ULK4: variants seen among roughly 807,000 people sequenced by gnomAD.
ULK4 encodes inactive serine/threonine-protein kinase ULK4.
ULK4 carries 133 observed loss-of-function variants against 160.6 expected under a neutral mutation model. That is an observed-to-expected ratio of 0.83 (90% CI 0.72 to 0.96). The LOEUF (loss-of-function observed/expected upper bound fraction) is 0.96, where lower values mean the gene tolerates loss of function less well. Among genes scored for constraint, ULK4 ranks in the 40% least tolerant of loss-of-function variants. The pLI is 0.00. For synonymous variants in ULK4, 534 were observed against 539.8 expected, an observed-to-expected ratio of 0.99 and a Z score of 0.15; for missense variants, 1,580 against 1,499.5, an observed-to-expected ratio of 1.05 and a Z score of -0.89.
intron 21 of ULK4, among the ~76,000 whole-genome samples, chr3:41,759,868 C>G (rs920013472): frequency 6.6e-6 from 1 of 152,070 alleles, no homozygotes; most frequent in Non-Finnish European, 1.5e-5. Context: ...ATCATATGAC[C>G]AAATGATGCT....
intron 35 of ULK4, among the ~76,000 whole-genome samples, chr3:41,276,573 C>A (rs765374471): frequency 6.6e-6 from 1 of 152,208 alleles, no homozygotes. Context: ...TGTCTTCAGT[C>A]TTTTTTAGTA....
At chr3:41,927,115 C>A (rs911658776) in intron 5 of ULK4, among the ~76,000 whole-genome samples, 1 of 152,092 alleles carries the variant, frequency 6.6e-6, no homozygotes, top group Non-Finnish European at 1.5e-5. Context: ...TTGGGTTACC[C>A]GCAAAGGGAA....
intron 29 of ULK4, among the ~76,000 whole-genome samples, chr3:41,675,863 G>A (rs2035695349): frequency 6.6e-6 from 1 of 152,270 alleles, no homozygotes; most frequent in African/African-American, 2.4e-5. Flanking sequence ...TCAGACTTCT[G>A]GCTTCCTGAA....
At chr3:41,869,777 ATTGT>A (rs1559619921) in intron 17 of ULK4, among the ~76,000 whole-genome samples, 3 of 152,168 alleles carry the variant, frequency 2.0e-5, no homozygotes, top group East Asian at 1.9e-4. Context: ...GTTATGAAAA[ATTGT>A]TTATTTTCCA....
At chr3:41,423,580 G>A (rs1006150607) in intron 34 of ULK4, among the ~76,000 whole-genome samples, 1 of 152,072 alleles carries the variant, frequency 6.6e-6, no homozygotes, top group Non-Finnish European at 1.5e-5. Context: ...GTCTTACAGA[G>A]GAGGGGCCAA....
chr3:41,797,367 T>G (rs977768670), intron 20 of ULK4, among the ~76,000 whole-genome samples: 6 of 152,182 alleles, frequency 3.9e-5, no homozygotes, highest in Non-Finnish European at 8.8e-5. Context: ...AATCATCACA[T>G]GACAACCACC....
intron 35 of ULK4, among the ~76,000 whole-genome samples, chr3:41,311,037 G>A (rs1479675785): frequency 1.3e-5 from 2 of 151,580 alleles, no homozygotes; most frequent in Non-Finnish European, 2.9e-5. Flanking sequence ...AGGAAAGAAG[G>A]AAGGAAGGGA....
intron 22 of ULK4, among the ~76,000 whole-genome samples, chr3:41,743,968 T>C (rs1049254405): frequency 6.6e-6 from 1 of 151,818 alleles, no homozygotes; most frequent in African/African-American, 2.4e-5. Flanking sequence ...AAAATAAAAG[T>C]AAACTAGGTG....
At chr3:41,425,527 T>C (rs2082758621) in intron 34 of ULK4, among the ~76,000 whole-genome samples, 1 of 151,754 alleles carries the variant, frequency 6.6e-6, no homozygotes, top group Non-Finnish European at 1.5e-5. Flanking sequence ...AAGAAAAAAA[T>C]GTTAAGGGCA....
chr3:41,783,768 T>C (rs565095437), intron 21 of ULK4, among the ~76,000 whole-genome samples: 5 of 152,314 alleles, frequency 3.3e-5, no homozygotes, highest in African/African-American at 1.2e-4. Context: ...TTTAAGTTTT[T>C]AGGTATTGTA....
At position 41,387,694 on chromosome 3, in the gene ULK4, A is replaced by G. The variant is rs200912042; in HGVS notation, c.3678+10385T>C. On this transcript the variant is annotated intron_variant, in intron 35 of 36. Transcript: ENST00000301831. ...CAGCTTCATCCATGTCCCTACAAAG[A>G]ACATGAACTCATCCTTTTTTATGGC... Among the ~76,000 whole-genome samples, 1,052 of 152,184 alleles carry G rather than the reference A, an allele frequency of 6.9e-3. 4 individuals carry two copies. The highest frequency in any genetic ancestry group is 0.015 in the East Asian group (78 of 5,162).
intron 21 of ULK4, among the ~76,000 whole-genome samples, chr3:41,762,693 C>T (rs1361510702): frequency 1.5e-5 from 2 of 134,134 alleles, no homozygotes; most frequent in Admixed American, 7.9e-5. Context: ...GACAGAGTCT[C>T]GCTCTGTCGC....
chr3:41,831,010 T>A (rs957599226), intron 18 of ULK4, among the ~76,000 whole-genome samples: 5 of 84,692 alleles, frequency 5.9e-5, no homozygotes, highest in African/African-American at 7.2e-5. Context: ...TTTTATTATT[T>A]TTTTTATTTA....
chr3:41,735,672 C>G (rs567240749), intron 22 of ULK4, among the ~76,000 whole-genome samples: 6 of 140,206 alleles, frequency 4.3e-5, no homozygotes, highest in African/African-American at 1.3e-4. Flanking sequence ...TTGCTTCACT[C>G]CACTCTAAGT....
intron 32 of ULK4, among the ~76,000 whole-genome samples, chr3:41,484,458 C>CTTTTTTTT (rs369059587): frequency 1.8e-4 from 24 of 134,896 alleles, no homozygotes; most frequent in South Asian, 4.8e-4. Flanking sequence ...CTTTCTTTTC[C>CTTTTTTTT]TTTTTTTGTT....
At chr3:41,568,194 G>A (rs145981419) in intron 31 of ULK4, among the ~76,000 whole-genome samples, 189 of 152,308 alleles carry the variant, frequency 1.2e-3, no homozygotes, top group African/African-American at 4.5e-3. Context: ...GTACCAGGAG[G>A]AGAAGACAAT....
chr3:41,479,171 C>T lies in ULK4; in HGVS notation c.3227-15918G>A, dbSNP rs755313174. On this transcript the variant is annotated intron_variant, in intron 32 of 36. Transcript: ENST00000301831. ...AGCTGGGCAATGAACTGGAGAACAACCTTTAGAGCCCTACACCTCAGAAAA... is the reference window on the plus strand; with the variant it reads ...AGCTGGGCAATGAACTGGAGAACAATCTTTAGAGCCCTACACCTCAGAAAA... Among the ~76,000 whole-genome samples the T allele has an allele frequency of 1.9e-3, 294 of 152,308 alleles. 5 individuals are homozygous for T. The highest frequency in any genetic ancestry group is 7.3e-4 in the Non-Finnish European group (50 of 68,028).
chr3:41,464,062 G>C (rs916058898), intron 32 of ULK4, among the ~76,000 whole-genome samples: 1 of 151,852 alleles, frequency 6.6e-6, no homozygotes, highest in Non-Finnish European at 1.5e-5. Context: ...CGCAGATGGG[G>C]GAAAAGCACG....
At chr3:41,851,846 C>T (rs974180947) in intron 17 of ULK4, among the ~76,000 whole-genome samples, 7 of 151,958 alleles carry the variant, frequency 4.6e-5, no homozygotes, top group African/African-American at 1.7e-4. Flanking sequence ...ACTAGAGAAG[C>T]AAGAGCAAAC....
Sources: allele counts gnomAD v4.1 joint callset (sites outside exome capture counted in the v4.1 genomes callset), GRCh38; gene constraint gnomAD v4.1.1; transcripts MANE v1.5; gene names NCBI Gene and HGNC (gene_info 2026-07-23, HGNC 2026-07-21).